Variants in NTM observed in about 807,000 individuals in gnomAD.
The protein encoded by NTM is neurotrimin.
Under a neutral mutation model 42.1 loss-of-function variants are expected in NTM, and 13 were observed. That is an observed-to-expected ratio of 0.31 (90% CI 0.20 to 0.49). NTM has a LOEUF of 0.49. Among genes scored for constraint, NTM ranks in the 20% least tolerant of loss-of-function variants. The pLI is 0.99. For synonymous variants in NTM, 187 were observed against 179.2 expected, an observed-to-expected ratio of 1.04 and a Z score of -0.35; for missense variants, 373 against 452.8, an observed-to-expected ratio of 0.82 and a Z score of 1.60.
chr11:131,753,125 A>G (rs1447339597), intron 1 of NTM, among the ~76,000 whole-genome samples: 9 of 152,144 alleles, frequency 5.9e-5, no homozygotes, highest in African/African-American at 2.2e-4. Flanking sequence ...ATGCAGCCAA[A>G]AAACACATGA....
chr11:131,872,511 CCAAA>C (rs2047892005), intron 1 of NTM, among the ~76,000 whole-genome samples: 2 of 152,168 alleles, frequency 1.3e-5, no homozygotes, highest in African/African-American at 2.4e-5. Flanking sequence ...GCTCACATTA[CCAAA>C]CAGTTACCTA....
intron 4 of NTM, among the ~76,000 whole-genome samples, chr11:132,274,075 T>A (rs886989776): frequency 6.6e-6 from 1 of 152,196 alleles, no homozygotes; most frequent in African/African-American, 2.4e-5. Flanking sequence ...TTGGCAGTAA[T>A]GTTTCCTCCT....
At chr11:132,241,673 C>T (rs1189360435) in intron 4 of NTM, among the ~76,000 whole-genome samples, 1 of 152,206 alleles carries the variant, frequency 6.6e-6, no homozygotes, top group Non-Finnish European at 1.5e-5. Context: ...TTGTTCCGTA[C>T]TCCTAATACT....
intron 4 of NTM, among the ~76,000 whole-genome samples, chr11:132,219,625 G>T (rs189465886): frequency 2.0e-5 from 3 of 151,756 alleles, no homozygotes; most frequent in East Asian, 1.9e-4. Context: ...ATAAGAAAAG[G>T]CCCTCCCCCC....
In NTM at chr11:132,070,843, G is replaced by A. The variant is rs565981169; in HGVS notation, c.168-75439G>A. Among the ~76,000 whole-genome samples the A allele has an allele frequency of 3.7e-4, 53 of 141,336 alleles. 1 individual carries two copies. Among genetic ancestry groups the A allele is most frequent in the African/African-American group, 1.3e-3 (51 of 38,058 alleles). 92.7% of individuals were successfully genotyped at this position (141,336 alleles called of 152,430 possible). A position where few individuals can be genotyped will look rare whatever the true frequency, so the allele number is the denominator to read the frequency against. ...ACACGTCACACAGCCAAGTTAACAC[G>A]TCACACTGACCATCACAGGTTAGTT... On this transcript the variant is annotated intron_variant, in intron 2 of 8. Coordinates refer to ENST00000683400, the MANE Select transcript of NTM (RefSeq NM_001352005.2).
intron 1 of NTM, among the ~76,000 whole-genome samples, chr11:131,479,898 T>TA (rs533094928): frequency 1.3e-5 from 2 of 152,026 alleles, no homozygotes; most frequent in Non-Finnish European, 2.9e-5. Context: ...AATTTTTTTT[T>TA]AAAAAAATCA....
In NTM at chr11:131,598,672, C is replaced by T. The variant is rs548939414; in HGVS notation, c.82+227784C>T. Among the ~76,000 whole-genome samples the T allele has an allele frequency of 2.7e-5, 4 of 145,954 alleles. 1 individual carries two copies. Among genetic ancestry groups the T allele is most frequent in the Non-Finnish European group, 4.6e-5 (3 of 65,712 alleles). ...CAGCAGCAAAGAGAACTACTACTCT[C>T]TTCTCATTTGTTTTCTTTCTTTCTT... On this transcript the variant is annotated intron_variant, in intron 1 of 8. Transcript: ENST00000683400.
At chr11:131,998,984 G>C (rs1462703896) in intron 2 of NTM, among the ~76,000 whole-genome samples, 1 of 152,156 alleles carries the variant, frequency 6.6e-6, no homozygotes, top group African/African-American at 2.4e-5. Context: ...TGGAGAAGCA[G>C]ACATTGTTTT....
In NTM at chr11:132,328,895, T is replaced by C. The variant is rs541399506; in HGVS notation, c.935-1258T>C. On this transcript the variant is annotated intron_variant, in intron 7 of 8. Transcript: ENST00000683400. ...ATCCTTGTTAAATGCACAGGCACCA[T>C]GGCATCATCACCCCTGGCTTTTCCC... Among the ~76,000 whole-genome samples, 7 of 152,230 alleles carry C rather than the reference T, an allele frequency of 4.6e-5. No individual in the cohort carries two copies. In the South Asian group the frequency reaches 8.3e-4, roughly 18 times the overall value.
chr11:131,551,111 T>C (rs1032180249), intron 1 of NTM, among the ~76,000 whole-genome samples: 1 of 152,218 alleles, frequency 6.6e-6, no homozygotes, highest in African/African-American at 2.4e-5. Context: ...GCTCAAGCAA[T>C]CCTTTTGCCT....
intron 7 of NTM, among the ~76,000 whole-genome samples, chr11:132,318,546 TG>T (rs2095488248): frequency 6.6e-6 from 1 of 152,196 alleles, no homozygotes; most frequent in Admixed American, 6.5e-5. Flanking sequence ...TGCCTGTCTT[TG>T]CACATCCCTT....
At chr11:131,789,421 A>G (rs1468248350) in intron 1 of NTM, among the ~76,000 whole-genome samples, 1 of 27,170 alleles carries the variant, frequency 3.7e-5, no homozygotes, top group African/African-American at 2.0e-4. Context: ...AAAAGAAAAA[A>G]AGAAGAAGGA....
At chr11:131,859,569 A>G (rs2046415305) in intron 1 of NTM, among the ~76,000 whole-genome samples, 1 of 152,204 alleles carries the variant, frequency 6.6e-6, no homozygotes, top group Non-Finnish European at 1.5e-5. Flanking sequence ...CTTGAGACAC[A>G]TACTCGAGTG....
intron 1 of NTM, among the ~76,000 whole-genome samples, chr11:131,741,466 G>A (rs959237710): frequency 6.6e-6 from 1 of 152,156 alleles, no homozygotes; most frequent in African/African-American, 2.4e-5. Flanking sequence ...TTGGAAGCTG[G>A]ACTTTTCTCC....
chr11:132,110,413 T>C (rs989485652), intron 2 of NTM, among the ~76,000 whole-genome samples: 1 of 152,210 alleles, frequency 6.6e-6, no homozygotes, highest in African/African-American at 2.4e-5. Context: ...GAGAACTGAA[T>C]TGTCGACATA....
At chr11:131,937,273 AG>A (rs1256385095) in intron 2 of NTM, among the ~76,000 whole-genome samples, 3 of 152,164 alleles carry the variant, frequency 2.0e-5, no homozygotes, top group Non-Finnish European at 4.4e-5. Flanking sequence ...CTGTTATTGG[AG>A]TCATACTTTA....
intron 1 of NTM, chr11:131,660,377 G>A (rs184534111): frequency 1.5e-4 from 65 of 429,346 alleles, no homozygotes; most frequent in East Asian, 3.6e-4. Context: ...CCAGGAGGGC[G>A]GAGGGGGTGA....
rs758203169 is a variant in NTM at position 131,475,437 on chromosome 11, A to G, written c.82+104549A>G. 1.2e-4 allele frequency among the ~76,000 whole-genome samples: 18 copies of G among 152,188 alleles called. No homozygotes were observed. The Middle Eastern group carries it at 0.014, about 115-fold the overall frequency. ...GAGAAGGGGGCCATGACAGGTACAG[A>G]GGGTGTACCTGTCCCTCTCGGCAAA... On this transcript the variant is annotated intron_variant, in intron 1 of 8. Transcript: ENST00000683400.
chr11:131,693,195 C>CA (rs771161527), intron 1 of NTM, among the ~76,000 whole-genome samples: 11 of 152,132 alleles, frequency 7.2e-5, no homozygotes, highest in Non-Finnish European at 1.3e-4. Context: ...CAGGAGTCAA[C>CA]ACCCTGGGCA....
Sources: gnomAD v4.1 joint callset for allele counts (sites outside exome capture counted in the v4.1 genomes callset) on GRCh38, gnomAD v4.1.1 for gene constraint, MANE v1.5 for transcripts, NCBI Gene and HGNC (gene_info 2026-07-23, HGNC 2026-07-21) for gene names.